EIF4G3: variants seen among roughly 807,000 people sequenced by gnomAD.
EIF4G3 encodes eIF-4-gamma 3.
In EIF4G3, 34 loss-of-function variants were observed where a neutral mutation model predicts 186.4. The ratio of observed to expected loss-of-function variants is 0.18; its 90% CI spans 0.14 to 0.24. The LOEUF (loss-of-function observed/expected upper bound fraction) is 0.24, where lower values mean the gene tolerates loss of function less well. Ranked by LOEUF, EIF4G3 falls within the 10% of genes least tolerant of loss-of-function variation. The pLI is 1.00. For synonymous variants in EIF4G3, 673 were observed against 679.5 expected (o/e 0.99, Z 0.15); for missense variants, 1,536 against 1,948.5 (o/e 0.79, Z 3.99).
chr1:20,967,342 GCACTGAT>G (rs1569817793), intron 12 of EIF4G3, among the ~76,000 whole-genome samples: 1 of 152,180 alleles, frequency 6.6e-6, no homozygotes, highest in African/African-American at 2.4e-5. Context: ...AAATTTGACT[GCACTGAT>G]CAACTAATTG....
intron 29 of EIF4G3, chr1:20,841,362 A>T (rs1480567795): frequency 6.1e-6 from 1 of 163,740 alleles, no homozygotes; most frequent in Non-Finnish European, 1.3e-5. Context: ...TGTTTAGTTT[A>T]ACAATTTTAT....
At chr1:20,947,599 AG>A (rs2096021593) in intron 13 of EIF4G3, among the ~76,000 whole-genome samples, 2 of 151,888 alleles carry the variant, frequency 1.3e-5, no homozygotes, top group Non-Finnish European at 2.9e-5. Flanking sequence ...AGAAAGAAAG[AG>A]AAAGGGAGAG....
At chr1:21,120,091 G>A (rs536156604) in intron 2 of EIF4G3, among the ~76,000 whole-genome samples, 1 of 150,888 alleles carries the variant, frequency 6.6e-6, no homozygotes, top group Non-Finnish European at 1.5e-5. Flanking sequence ...TGGCCCAATA[G>A]TCCATCTGCA....
chr1:21,096,862 T>C (rs779149702), intron 2 of EIF4G3, among the ~76,000 whole-genome samples: 2 of 152,216 alleles, frequency 1.3e-5, no homozygotes, highest in Non-Finnish European at 2.9e-5. Flanking sequence ...TGCTAGAGCA[T>C]TGTTAAAATG....
At chr1:21,143,630 T>C (rs2097380300) in intron 2 of EIF4G3, among the ~76,000 whole-genome samples, 1 of 152,136 alleles carries the variant, frequency 6.6e-6, no homozygotes, top group African/African-American at 2.4e-5. Flanking sequence ...ATGAACAAAT[T>C]ATTAAACATA....
At chr1:20,963,629 G>A (rs1294390054) in intron 12 of EIF4G3, among the ~76,000 whole-genome samples, 3 of 152,022 alleles carry the variant, frequency 2.0e-5, no homozygotes, top group Non-Finnish European at 1.5e-5. Context: ...GTATATCAAG[G>A]AAGAAAGGTA....
chr1:20,941,764 G>C lies in EIF4G3; in HGVS notation c.1390C>G (p.Pro464Ala). Residue 464 changes from proline (P) to alanine (A), a missense_variant, in exon 14 of 37, where the codon CCT becomes GCT. This residue lies in a region of EIF4G3 where 560 missense variants were observed against 547.8 expected (regional missense o/e 1.02). Transcript: ENST00000602326. ...GGAGGAAAGGAAGGAACTGTGGAAGGGGTGATGGGAGCTGGGATACACTCC... is the reference window on the plus strand; with the variant it reads ...GGAGGAAAGGAAGGAACTGTGGAAGCGGTGATGGGAGCTGGGATACACTCC... The part of the protein sequence containing the change: ...KLECIPAPIT[P>A]STVPSFPPTP... 1 of 1,611,786 alleles carries C rather than the reference G, an allele frequency of 6.2e-7. No individual in the cohort carries two copies. The highest frequency in any genetic ancestry group is 8.5e-7 in the Non-Finnish European group (1 of 1,178,770).
intron 4 of EIF4G3, among the ~76,000 whole-genome samples, chr1:21,007,311 T>C (rs1002116585): frequency 9.2e-5 from 14 of 151,812 alleles, no homozygotes; most frequent in African/African-American, 3.1e-4. Flanking sequence ...GGCAGGAGAA[T>C]TGCTTGAACT....
At chr1:21,100,842 C>T (rs557242192) in intron 2 of EIF4G3, among the ~76,000 whole-genome samples, 27 of 152,248 alleles carry the variant, frequency 1.8e-4, no homozygotes, top group Admixed American at 5.9e-4. Context: ...CGGCAAACTA[C>T]GTTCTTTTTC....
At chr1:20,873,473 G>C (rs2079801649) in intron 20 of EIF4G3, among the ~76,000 whole-genome samples, 1 of 152,096 alleles carries the variant, frequency 6.6e-6, no homozygotes, top group South Asian at 2.1e-4. Context: ...GTATGCGAGA[G>C]TTCTTGTTGT....
At chr1:20,862,377 ACGT>A (rs2076559849) in intron 22 of EIF4G3, 45 bp from the exon 23 acceptor site, 1 of 1,181,118 alleles carries the variant, frequency 8.5e-7, no homozygotes, top group African/African-American at 1.6e-5. Context: ...AGAAACTTAA[ACGT>A]AATTTTACCA....
chr1:20,813,947 GTTTTT>G (rs576925301), intron 34 of EIF4G3, among the ~76,000 whole-genome samples: 1 of 77,330 alleles, frequency 1.3e-5, no homozygotes, highest in African/African-American at 5.1e-5. Flanking sequence ...ATGAGTCACT[GTTTTT>G]TTTTTTTTTT....
intron 3 of EIF4G3, among the ~76,000 whole-genome samples, chr1:21,059,199 C>G (rs1315367314): frequency 6.6e-6 from 1 of 152,030 alleles, no homozygotes; most frequent in African/African-American, 2.4e-5. Flanking sequence ...GTGAGGTCAT[C>G]TCAAAACATT....
At chr1:20,993,029 T>C (rs975402326) in intron 7 of EIF4G3, among the ~76,000 whole-genome samples, 3 of 152,224 alleles carry the variant, frequency 2.0e-5, no homozygotes, top group African/African-American at 7.2e-5. Context: ...GCATATAAAA[T>C]GACTTAGTAT....
At chr1:20,999,037 A>G (rs533383672) in intron 6 of EIF4G3, among the ~76,000 whole-genome samples, 105 of 152,324 alleles carry the variant, frequency 6.9e-4, no homozygotes, top group African/African-American at 2.3e-3. Context: ...CCCAACTACC[A>G]TTAGTTCACA....
At chr1:20,985,535 T>C (rs2079287569) in intron 7 of EIF4G3, among the ~76,000 whole-genome samples, 1 of 150,756 alleles carries the variant, frequency 6.6e-6, no homozygotes, top group South Asian at 2.1e-4. Flanking sequence ...AAAAAATATA[T>C]ATCCTTTTTG....
chr1:21,176,034 C>G, intron 2 of EIF4G3, 141 bp downstream of exon 2: 1 of 265,676 alleles, frequency 3.8e-6, no homozygotes, highest in Non-Finnish European at 7.0e-6. Flanking sequence ...AAGCTCCGCC[C>G]AAGCCCGATG....
At chr1:20,818,317 T>C (rs1416607622) in intron 33 of EIF4G3, among the ~76,000 whole-genome samples, 1 of 152,166 alleles carries the variant, frequency 6.6e-6, no homozygotes, top group Non-Finnish European at 1.5e-5. Context: ...GCTATAATTG[T>C]TTAGCACTTA....
At chr1:20,903,886 G>C (rs1160208504) in intron 15 of EIF4G3, among the ~76,000 whole-genome samples, 3 of 152,104 alleles carry the variant, frequency 2.0e-5, no homozygotes, top group Non-Finnish European at 4.4e-5. Context: ...GTTAAACCTT[G>C]AGTAAAATTA....
Sources: gnomAD v4.1 joint callset for allele counts (sites outside exome capture counted in the v4.1 genomes callset) on GRCh38, gnomAD v4.1.1 for gene constraint, gnomAD v4.1.1 regional missense constraint, MANE v1.5 for transcripts, NCBI Gene and HGNC (gene_info 2026-07-23, HGNC 2026-07-21) for gene names.